Variants in HSPA4L observed in about 807,000 individuals in gnomAD.
The protein encoded by HSPA4L is heat shock 70 kDa protein 4L.
Under a neutral mutation model 100.3 loss-of-function variants are expected in HSPA4L, and 48 were observed. That is an observed-to-expected ratio of 0.48 (90% CI 0.38 to 0.61). The LOEUF (loss-of-function observed/expected upper bound fraction) is 0.61, where lower values mean the gene tolerates loss of function less well. HSPA4L is among the 20% of genes least tolerant of loss of function. HSPA4L has a pLI of 0.00. For synonymous variants in HSPA4L, 319 were observed against 328.2 expected (o/e 0.97, Z 0.30); for missense variants, 886 against 988.6 (o/e 0.90, Z 1.39).
At chr4:127,783,529 C>T in intron 1 of HSPA4L, 3 of 1,499,382 alleles carry the variant, frequency 2.0e-6, no homozygotes, top group African/African-American at 1.4e-5. Flanking sequence ...CCACATGTTC[C>T]GTTGTTTCTC....
intron 1 of HSPA4L, among the ~76,000 whole-genome samples, chr4:127,790,935 A>G (rs559343492): frequency 6.6e-6 from 1 of 152,260 alleles, no homozygotes; most frequent in Non-Finnish European, 1.5e-5. Context: ...CCTGGGCAAC[A>G]TGGTGAAACC....
At chr4:127,820,332 C>A in intron 13 of HSPA4L, 96 bp from the exon 14 acceptor site, 1 of 1,002,306 alleles carries the variant, frequency 1.0e-6, no homozygotes, top group Non-Finnish European at 1.4e-6. Flanking sequence ...ATAAATATAA[C>A]AGATCATAAT....
At chr4:127,792,049 G>A (rs1191255609) in intron 1 of HSPA4L, among the ~76,000 whole-genome samples, 4 of 152,164 alleles carry the variant, frequency 2.6e-5, no homozygotes, top group South Asian at 2.1e-4. Context: ...AAATCCAGTA[G>A]TCCCCAGCAG....
chr4:127,809,401 T>C, intron 11 of HSPA4L: 2 of 1,233,348 alleles, frequency 1.6e-6, no homozygotes, highest in South Asian at 1.2e-5. Context: ...GCACATTCAT[T>C]TGGATACTTC....
rs142179394 is a variant in HSPA4L at position 127,820,440 on chromosome 4, G to A, written c.1687G>A (p.Asp563Asn). 6.3e-7 allele frequency: 1 copy of A among 1,591,262 alleles called. No homozygotes were observed. Among genetic ancestry groups the A allele is most frequent in the African/African-American group, 1.4e-5 (1 of 73,590 alleles). The change falls in exon 14 of 19, where the codon GAC becomes AAC. Residue 563 changes from aspartate (D) to asparagine (N), a missense_variant. Transcript: ENST00000296464. ...TTCGGATTTGCAGTCAGCTGTCTCA[G>A]ACAAACAAGACCGATTAAATCAGAC... ...TGAKTKSAVS[D>N]KQDRLNQTLK... is the part of the protein sequence containing the mutation.
In HSPA4L at chr4:127,801,934, G is replaced by T. The variant is rs1454465289; in HGVS notation, c.663+16G>T. The T allele has an allele frequency of 3.8e-6, 6 of 1,580,052 alleles. No individual in the cohort carries two copies. Among genetic ancestry groups the T allele is most frequent in the Non-Finnish European group, 5.2e-6 (6 of 1,161,926 alleles). ...AAAACTTAAAGTAAGTAAACACATG[G>T]TTTGTTATATTTACATATGTTAAGA... On this transcript the variant is annotated intron_variant, in intron 6 of 18. Transcript: ENST00000296464.
intron 1 of HSPA4L, among the ~76,000 whole-genome samples, chr4:127,784,114 T>C (rs1312177784): frequency 6.6e-6 from 1 of 152,238 alleles, no homozygotes; most frequent in Admixed American, 6.5e-5. Context: ...CCACAACAAA[T>C]ACTGGCTTTC....
Position 127,805,107 on chromosome 4 carries a change from T to C in HSPA4L, c.1020T>C (p.Ile340=). The C allele has an allele frequency of 1.2e-6, 2 of 1,611,726 alleles. No individual in the cohort carries two copies. Among genetic ancestry groups the C allele is most frequent in the African/African-American group, 1.3e-5 (1 of 74,938 alleles). Residue 340 remains isoleucine (I), a synonymous_variant, in exon 9 of 19, where the codon ATT becomes ATC. Coordinates refer to ENST00000296464, the MANE Select transcript of HSPA4L (RefSeq NM_014278.4). ...GTGAAGACATTAGTAGTATAGAAAT[T>C]GTAGGAGGAGCAACACGAATTCCTG... ...LQREDISSIE[I]VGGATRIPAV...
At chr4:127,783,568 A>G in intron 1 of HSPA4L, 1 of 1,530,856 alleles carries the variant, frequency 6.5e-7, no homozygotes, top group Non-Finnish European at 8.7e-7. Flanking sequence ...GGCAAGGAAT[A>G]TAATGAAGTA....
At chr4:127,794,046 A>G in intron 1 of HSPA4L, 31 bp from the exon 2 acceptor site, 3 of 1,535,586 alleles carry the variant, frequency 2.0e-6, no homozygotes, top group Non-Finnish European at 2.7e-6. Context: ...TAAAAGTACC[A>G]TGGAACAAAC....
intron 1 of HSPA4L, chr4:127,783,542 G>T: frequency 1.3e-6 from 2 of 1,516,604 alleles, no homozygotes; most frequent in Admixed American, 4.1e-5. Context: ...TGTTTCTCTG[G>T]CCTGGGAAGT....
chr4:127,799,073 GA>G (rs1181360656), intron 4 of HSPA4L, among the ~76,000 whole-genome samples: 1 of 151,664 alleles, frequency 6.6e-6, no homozygotes, highest in South Asian at 2.1e-4. Context: ...TGTATCAGGG[GA>G]AAAAAAAGAT....
intron 17 of HSPA4L, among the ~76,000 whole-genome samples, chr4:127,830,323 C>G (rs1734047367): frequency 6.6e-6 from 1 of 152,076 alleles, no homozygotes; most frequent in Non-Finnish European, 1.5e-5. Context: ...CCTTGTTCAC[C>G]TTATTTCTCC....
rs184196551 is a variant in HSPA4L, at chr4:127,799,812, G to A, written c.429+1103G>A. Reference sequence around the variant, plus strand: ...GTCTGGTTTGTGCACTGTTTTCCTGGTAGCTAGAAAAGTACCTGGTTTGTA... The same window carrying A: ...GTCTGGTTTGTGCACTGTTTTCCTGATAGCTAGAAAAGTACCTGGTTTGTA... On this transcript the variant is annotated intron_variant, in intron 4 of 18. Coordinates refer to ENST00000296464, the MANE Select transcript of HSPA4L (RefSeq NM_014278.4). Among the ~76,000 whole-genome samples the A allele has an allele frequency of 1.0e-3, 154 of 152,226 alleles. 1 individual carries two copies. Among genetic ancestry groups the A allele is most frequent in the Non-Finnish European group, 1.8e-3 (123 of 68,000 alleles).
chr4:127,830,723 A>G lies in HSPA4L; in HGVS notation c.2252A>G (p.Lys751Arg). 6.2e-7 allele frequency: 1 copy of G among 1,611,526 alleles called. No individual in the cohort carries two copies. Among genetic ancestry groups the G allele is most frequent in the South Asian group, 1.1e-5 (1 of 90,588 alleles). Residue 751 changes from lysine (K) to arginine (R), a missense_variant, in exon 18 of 19, where the codon AAG (lysine) becomes AGG (arginine). Coordinates refer to ENST00000296464, the MANE Select transcript of HSPA4L (RefSeq NM_014278.4). ...GATGCCATGAGTTGGCTGAATAGTA[A>G]GATGAATGCACAGAACAAACTAAGT... ...ISDAMSWLNS[K>R]MNAQNKLSLT...
Position 127,801,110 on chromosome 4 carries a change from A to G in HSPA4L, c.430-28A>G, listed in dbSNP as rs78543798. On this transcript the variant is annotated intron_variant, in intron 4 of 18. Coordinates refer to ENST00000296464, the MANE Select transcript of HSPA4L (RefSeq NM_014278.4). Reference sequence around the variant, plus strand: ...TGACAAAATGTTTACATAAAACATTATACTTAACTGTTGTTTTTAAATACT... The same window carrying G: ...TGACAAAATGTTTACATAAAACATTGTACTTAACTGTTGTTTTTAAATACT... 1,513 of 1,505,834 alleles carry G rather than the reference A, an allele frequency of 1.0e-3. 18 individuals carry two copies. In the African/African-American group the frequency reaches 0.02, roughly 20 times the overall value. 93.3% of individuals were successfully genotyped at this position (1,505,834 alleles called of 1,614,324 possible). A position where few individuals can be genotyped will look rare whatever the true frequency, so the allele number is the denominator to read the frequency against.
intron 11 of HSPA4L, chr4:127,809,475 T>G: frequency 8.9e-7 from 1 of 1,122,302 alleles, no homozygotes; most frequent in Non-Finnish European, 1.4e-6. Flanking sequence ...TGACCCAGAA[T>G]GAAGAAAATA....
rs914814283 is a variant in HSPA4L, at chr4:127,836,580, T to C, written c.*3706T>C. 1.3e-5 allele frequency: 2 copies of C among 151,952 alleles called. No homozygotes were observed. Among genetic ancestry groups the C allele is most frequent in the Admixed American group, 6.6e-5 (1 of 15,240 alleles). The allele number at this position is 151,952 out of a possible 1,614,324, so 9.4% of individuals were successfully genotyped here. The stretch of plus-strand genomic sequence containing the variant: ...TGATTAATTCCATGATAGAAGTCTT[T>C]AAAGAGAATTTTGGGGCTCAATAAT... On this transcript the variant is annotated 3_prime_UTR_variant, in exon 19 of 19. Coordinates refer to ENST00000296464, the MANE Select transcript of HSPA4L (RefSeq NM_014278.4).
chr4:127,816,688 T>C (rs1404028779), intron 12 of HSPA4L, among the ~76,000 whole-genome samples: 1 of 152,228 alleles, frequency 6.6e-6, no homozygotes, highest in Non-Finnish European at 1.5e-5. Context: ...AGAGCAACTT[T>C]TAAACAAATG....
Sources: allele counts gnomAD v4.1 joint callset (sites outside exome capture counted in the v4.1 genomes callset), GRCh38; gene constraint gnomAD v4.1.1; transcripts MANE v1.5; gene names NCBI Gene and HGNC (gene_info 2026-07-23, HGNC 2026-07-21).